The following TBX4 variants were observed in gnomAD, a reference collection of about 807,000 sequenced individuals.
TBX4 encodes the protein T-box transcription factor TBX4.
Under a neutral mutation model 54.6 loss-of-function variants are expected in TBX4, and 13 were observed. The observed-to-expected ratio is 0.24, with a 90% CI of 0.15 to 0.38. TBX4 has a LOEUF of 0.38. TBX4 is among the 10% of genes least tolerant of loss of function. The probability of loss-of-function intolerance (pLI) is 1.00; values close to 1 mark genes in which losing one functional copy is unlikely to be tolerated. For synonymous variants in TBX4, 314 were observed against 306.7 expected, an observed-to-expected ratio of 1.02 and a Z score of -0.25; for missense variants, 631 against 728.5, an observed-to-expected ratio of 0.87 and a Z score of 1.54.
rs532667995 is a variant in TBX4 at position 61,465,170 on chromosome 17, C to T, written c.282-649C>T. On this transcript the variant is annotated intron_variant, in intron 3 of 8. Coordinates refer to ENST00000644296, the MANE Select transcript of TBX4 (RefSeq NM_001321120.2). This position sits in a 1 kb window ranked among gnomAD's most constrained non-coding sequence, Gnocchi z 4.9. ...CTCCTGGACCGACTTTCCCCTGATA[C>T]TCAGGGTGCACAGGTCCAGGTGAGG... Among the ~76,000 whole-genome samples the T allele has an allele frequency of 1.3e-5, 2 of 152,286 alleles. No individual in the cohort carries two copies. Among genetic ancestry groups the T allele is most frequent in the East Asian group, 3.9e-4 (2 of 5,174 alleles).
At position 61,457,016 on chromosome 17, in the gene TBX4, C is replaced by A. The variant is rs3826414; in HGVS notation, c.186+340C>A. 0.16 allele frequency among the ~76,000 whole-genome samples: 24,163 copies of A among 152,160 alleles called. 2,132 individuals carry two copies. Among genetic ancestry groups the A allele is most frequent in the East Asian group, 0.32 (1,614 of 5,120 alleles). On this transcript the variant is annotated intron_variant, in intron 2 of 8. Transcript: ENST00000644296. This position sits in a 1 kb window ranked among gnomAD's most constrained non-coding sequence, Gnocchi z 8.2. ...AACCCGTAGAGGGCCTGGGACCCAA[C>A]GGCGAGGGGGCAGGAGGAGGCCACC...
Position 61,475,818 on chromosome 17 carries a change from C to T in TBX4, c.550-2809C>T, listed in dbSNP as rs563081092. 1.2e-4 allele frequency among the ~76,000 whole-genome samples: 18 copies of T among 152,256 alleles called. No homozygotes were observed. The South Asian group carries it at 1.7e-3, about 14-fold the overall frequency. ...GCCCACGGTCTTTGTTCTCCCTTTG[C>T]GCTGCCACCTTTGGAGAGCTAGAGT... On this transcript the variant is annotated intron_variant, in intron 5 of 8. Coordinates refer to ENST00000644296, the MANE Select transcript of TBX4 (RefSeq NM_001321120.2). This position sits in a 1 kb window ranked among gnomAD's most constrained non-coding sequence, Gnocchi z 5.0.
chr17:61,473,390 G>A (rs1306397342), intron 5 of TBX4, among the ~76,000 whole-genome samples: 1 of 152,244 alleles, frequency 6.6e-6, no homozygotes, highest in Admixed American at 6.5e-5. Flanking sequence ...TGGCAAGCCA[G>A]CGGGTGCTGG....
At chr17:61,471,100 C>G (rs922141061) in intron 5 of TBX4, among the ~76,000 whole-genome samples, 1 of 152,218 alleles carries the variant, frequency 6.6e-6, no homozygotes, top group Non-Finnish European at 1.5e-5. Flanking sequence ...GGCTGCAGTT[C>G]CTCAGTCACA....
Position 61,462,528 on chromosome 17 carries a change from G to A in TBX4, c.282-3291G>A, listed in dbSNP as rs1302649176. Among the ~76,000 whole-genome samples the A allele has an allele frequency of 2.0e-5, 3 of 151,826 alleles. No homozygotes were observed. Among genetic ancestry groups the A allele is most frequent in the African/African-American group, 7.3e-5 (3 of 41,342 alleles). ...ACGGGGTGGGAGCAGGGAGAGGGTA[G>A]GGGGCATAGGGAGAGGGTGCAGGGA... On this transcript the variant is annotated intron_variant, in intron 3 of 8. Coordinates refer to ENST00000644296, the MANE Select transcript of TBX4 (RefSeq NM_001321120.2). The surrounding 1 kb of genome is among the most constrained non-coding windows in gnomAD (Gnocchi z 4.5).
intron 5 of TBX4, among the ~76,000 whole-genome samples, chr17:61,477,165 TG>T (rs1189168759): frequency 6.6e-6 from 1 of 152,220 alleles, no homozygotes; most frequent in East Asian, 1.9e-4. Flanking sequence ...CCGCCTGGCC[TG>T]GCCAGGACAG....
In TBX4 at chr17:61,479,364, G is replaced by T. The variant is rs1026475682; in HGVS notation, c.703-517G>T. ...CAGTATGCACACAGGGACTGGCAAG[G>T]TGGGCAGGGGTCACTGGGGAAGGGC... On this transcript the variant is annotated intron_variant, in intron 6 of 8. Transcript: ENST00000644296. The surrounding 1 kb of genome is among the most constrained non-coding windows in gnomAD (Gnocchi z 6.1). 3.3e-5 allele frequency among the ~76,000 whole-genome samples: 5 copies of T among 152,212 alleles called. No individual in the cohort carries two copies. Among genetic ancestry groups the T allele is most frequent in the Non-Finnish European group, 5.9e-5 (4 of 68,036 alleles).
Position 61,462,562 on chromosome 17 carries a change from G to T in TBX4, c.282-3257G>T, listed in dbSNP as rs1012160619. 6.6e-6 allele frequency among the ~76,000 whole-genome samples: 1 copy of T among 151,590 alleles called. No individual in the cohort carries two copies. Among genetic ancestry groups the T allele is most frequent in the African/African-American group, 2.4e-5 (1 of 41,268 alleles). On this transcript the variant is annotated intron_variant, in intron 3 of 8. Transcript: ENST00000644296. The surrounding 1 kb of genome is among the most constrained non-coding windows in gnomAD (Gnocchi z 4.5). ...GGGAGAGGGTGCAGGGAGGGGAGAG[G>T]GGGAGCGCGCAAGGAGGGGGCTGGC...
intron 5 of TBX4, among the ~76,000 whole-genome samples, chr17:61,471,543 A>ATTTTT (rs59212228): frequency 0.11 from 14,339 of 136,074 alleles, 890 homozygotes; most frequent in East Asian, 0.22. Flanking sequence ...TCTTTTCAGC[A>ATTTTT]TTTTTTTTTT....
Position 61,456,470 on chromosome 17 carries a change from T to C in TBX4, c.-3-18T>C, listed in dbSNP as rs1277353534. On this transcript the variant is annotated intron_variant, in intron 1 of 8. Coordinates refer to ENST00000644296, the MANE Select transcript of TBX4 (RefSeq NM_001321120.2). Reference sequence around the variant, plus strand: ...GTGTGGACCTGGGCGAGTGACTCGTTGTGTGCTGTGCCCGCAGGAGATGCT... The same window carrying C: ...GTGTGGACCTGGGCGAGTGACTCGTCGTGTGCTGTGCCCGCAGGAGATGCT... 7 of 1,560,148 alleles carry C rather than the reference T, an allele frequency of 4.5e-6. No homozygotes were observed. Among genetic ancestry groups the C allele is most frequent in the South Asian group, 2.4e-5 (2 of 84,662 alleles).
intron 1 of TBX4, chr17:61,452,929 A>G: frequency 1.0e-5 from 10 of 985,476 alleles, no homozygotes; most frequent in Non-Finnish European, 1.2e-5. Context: ...TGGTGTTTGC[A>G]GAATATGCAA....
rs375043323 is a variant in TBX4, at chr17:61,467,564, G to T, written c.456G>T (p.Pro152=). ...TGCCAGGAAGGCTGTATGTCCACCCGGATTCTCCTGCCACAGGAGCCCACT... is the reference window on the plus strand; with the variant it reads ...TGCCAGGAAGGCTGTATGTCCACCCTGATTCTCCTGCCACAGGAGCCCACT... ...PAMPGRLYVH[P]DSPATGAHWM... Residue 152 remains proline, a synonymous_variant, in exon 5 of 9, where the codon CCG becomes CCT. Transcript: ENST00000644296. 17 of 1,614,164 alleles carry T rather than the reference G, an allele frequency of 1.1e-5. No individual in the cohort carries two copies. In the East Asian group the frequency reaches 3.8e-4, roughly 36 times the overall value.
rs1395737965 is a variant in TBX4 at position 61,475,029 on chromosome 17, C to T, written c.550-3598C>T. ...GGAGAAGAGCTTGCTCAGGACTTGACGCTGGTGAACAGAGATCATGACGGC... is the reference window on the plus strand; with the variant it reads ...GGAGAAGAGCTTGCTCAGGACTTGATGCTGGTGAACAGAGATCATGACGGC... On this transcript the variant is annotated intron_variant, in intron 5 of 8. Coordinates refer to ENST00000644296, the MANE Select transcript of TBX4 (RefSeq NM_001321120.2). This position sits in a 1 kb window ranked among gnomAD's most constrained non-coding sequence, Gnocchi z 5.0. Among the ~76,000 whole-genome samples, 11 of 152,340 alleles carry T rather than the reference C, an allele frequency of 7.2e-5. No individual in the cohort carries two copies. Among genetic ancestry groups the T allele is most frequent in the African/African-American group, 2.6e-4 (11 of 41,578 alleles).
At position 61,475,940 on chromosome 17, in the gene TBX4, A is replaced by G. The variant is rs1310251293; in HGVS notation, c.550-2687A>G. 1.3e-5 allele frequency among the ~76,000 whole-genome samples: 2 copies of G among 152,116 alleles called. No individual in the cohort carries two copies. The highest frequency in any genetic ancestry group is 4.8e-5 in the African/African-American group (2 of 41,424). On this transcript the variant is annotated intron_variant, in intron 5 of 8. Coordinates refer to ENST00000644296, the MANE Select transcript of TBX4 (RefSeq NM_001321120.2). This position sits in a 1 kb window ranked among gnomAD's most constrained non-coding sequence, Gnocchi z 5.0. Reference sequence around the variant, plus strand: ...TTCATCACCACTTTTGACCTAGGAAATGCCTTAGAGATGATCTCGTCTTTA... The same window carrying G: ...TTCATCACCACTTTTGACCTAGGAAGTGCCTTAGAGATGATCTCGTCTTTA...
At chr17:61,468,718 C>T (rs768554932) in intron 5 of TBX4, among the ~76,000 whole-genome samples, 4 of 152,254 alleles carry the variant, frequency 2.6e-5, no homozygotes, top group Admixed American at 6.5e-5. Flanking sequence ...ATGCAGTCAA[C>T]TCCTGACTTA....
rs1326425623 is a variant in TBX4 at position 61,458,147 on chromosome 17, A to C, written c.281+516A>C. Reference sequence around the variant, plus strand: ...CCCCATCTCTGGCCAACGGGAAAGCACTACGTTGGGCTCCGTGTGTGTTGT... The same window carrying C: ...CCCCATCTCTGGCCAACGGGAAAGCCCTACGTTGGGCTCCGTGTGTGTTGT... On this transcript the variant is annotated intron_variant, in intron 3 of 8. Coordinates refer to ENST00000644296, the MANE Select transcript of TBX4 (RefSeq NM_001321120.2). 4.6e-5 allele frequency among the ~76,000 whole-genome samples: 7 copies of C among 151,154 alleles called. No individual in the cohort carries two copies. The East Asian group carries it at 1.4e-3, about 30-fold the overall frequency.
intron 3 of TBX4, among the ~76,000 whole-genome samples, chr17:61,458,297 G>A (rs927024382): frequency 6.6e-6 from 1 of 151,578 alleles, no homozygotes; most frequent in Non-Finnish European, 1.5e-5. Context: ...GACTCACGGC[G>A]GGGGTGGGGG....
chr17:61,471,719 A>AATT (rs1365245707), intron 5 of TBX4, among the ~76,000 whole-genome samples: 1 of 151,704 alleles, frequency 6.6e-6, no homozygotes. Context: ...AGCTGCACAG[A>AATT]ATTATTATTA....
At chr17:61,482,502 G>A (rs767812807) in intron 8 of TBX4, among the ~76,000 whole-genome samples, 13 of 152,222 alleles carry the variant, frequency 8.5e-5, no homozygotes, top group African/African-American at 1.7e-4. Flanking sequence ...GACAGATGTG[G>A]CCTCTGGGCA....
Sources: gnomAD v4.1 joint callset for allele counts (sites outside exome capture counted in the v4.1 genomes callset) on GRCh38, gnomAD v4.1.1 for gene constraint, Gnocchi (gnomAD v3.1) non-coding constraint, MANE v1.5 for transcripts, NCBI Gene and HGNC (gene_info 2026-07-23, HGNC 2026-07-21) for gene names.